The following MED12L variants were observed in gnomAD, a reference collection of about 807,000 sequenced individuals.
MED12L encodes the protein mediator of RNA polymerase II transcription subunit 12-like protein.
In MED12L, 60 loss-of-function variants were observed where a neutral mutation model predicts 281.3. That is an observed-to-expected ratio of 0.21 (90% CI 0.17 to 0.26). The LOEUF (loss-of-function observed/expected upper bound fraction) is 0.26. MED12L is among the 10% of genes least tolerant of loss of function. MED12L has a pLI of 1.00. For missense variants in MED12L, 2,146 were observed against 2,680.9 expected, an observed-to-expected ratio of 0.80 and a Z score of 4.41; for synonymous variants, 974 against 987.2, an observed-to-expected ratio of 0.99 and a Z score of 0.25.
intron 1 of MED12L, chr3:151,086,527 G>T (rs1719226640): frequency 1.3e-5 from 2 of 152,508 alleles, no homozygotes; most frequent in African/African-American, 4.9e-5. Context: ...CCCATCCTGC[G>T]CCCAGCTGGG....
In MED12L at chr3:151,191,762, C is replaced by G. The variant is rs548406437; in HGVS notation, c.1969-788C>G. ...TCTGTACCAAAAATACAAAATTAGC[C>G]GGGCGTGGTGGCACATGCCTGTAGT... On this transcript the variant is annotated intron_variant, in intron 14 of 44. Coordinates refer to ENST00000687756, the MANE Select transcript of MED12L (RefSeq NM_001393769.1). Among the ~76,000 whole-genome samples, 67 of 152,014 alleles carry G rather than the reference C, an allele frequency of 4.4e-4. 1 individual carries two copies. Among genetic ancestry groups the G allele is most frequent in the Non-Finnish European group, 1.0e-4 (7 of 68,002 alleles).
intron 16 of MED12L, chr3:151,213,304 A>G: frequency 6.3e-7 from 1 of 1,598,320 alleles, no homozygotes; most frequent in Non-Finnish European, 8.5e-7. Flanking sequence ...AGGAACTCAC[A>G]AAGTATCTGT....
chr3:151,186,364 T>C (rs530702146), intron 12 of MED12L, among the ~76,000 whole-genome samples: 68 of 152,260 alleles, frequency 4.5e-4, no homozygotes, highest in African/African-American at 1.6e-3. Flanking sequence ...CTTTTCGAAA[T>C]GTAAATAGAT....
rs565784126 is a variant in MED12L, at chr3:151,092,014, T to TG, written c.99+4994dup. 1.5e-4 allele frequency among the ~76,000 whole-genome samples: 23 copies of TG among 152,356 alleles called. 1 individual carries two copies. In the East Asian group the frequency reaches 4.2e-3, roughly 28 times the overall value. Reference sequence around the variant, plus strand: ...TAGCTGATCCCTTATTAAAGGATGCTGGGGGTCTCCTGTTGTACTTAACCA... The same window carrying TG: ...TAGCTGATCCCTTATTAAAGGATGCTGGGGGGTCTCCTGTTGTACTTAACCA... On this transcript the variant is annotated intron_variant, in intron 2 of 44. Coordinates refer to ENST00000687756, the MANE Select transcript of MED12L (RefSeq NM_001393769.1).
At chr3:151,237,080 G>A (rs890198102) in intron 16 of MED12L, among the ~76,000 whole-genome samples, 12 of 135,024 alleles carry the variant, frequency 8.9e-5, no homozygotes, top group Admixed American at 2.5e-4. Context: ...ACGGAATCTC[G>A]CTCTGTTGCC....
chr3:151,155,626 T>C (rs1193235331), intron 5 of MED12L, among the ~76,000 whole-genome samples: 2 of 152,242 alleles, frequency 1.3e-5, no homozygotes, highest in Non-Finnish European at 2.9e-5. Flanking sequence ...AATGAATGTC[T>C]GTCCTCTTAA....
chr3:151,192,543 T>C lies in MED12L; in HGVS notation c.1969-7T>C. ...CAATGTTACTTTCTTTCTCTGGCGA[T>C]TATCAGGAACAGAGTATTATGGCGC... On this transcript the variant is annotated splice_region_variant and splice_polypyrimidine_tract_variant and intron_variant, in intron 14 of 44. Coordinates refer to ENST00000687756, the MANE Select transcript of MED12L (RefSeq NM_001393769.1). 1 of 1,520,326 alleles carries C rather than the reference T, an allele frequency of 6.6e-7. No homozygotes were observed. The highest frequency in any genetic ancestry group is 8.8e-7 in the Non-Finnish European group (1 of 1,132,632). 94.2% of individuals were successfully genotyped at this position (1,520,326 alleles called of 1,614,324 possible). A position where few individuals can be genotyped will look rare whatever the true frequency, so the allele number is the denominator to read the frequency against.
chr3:151,397,435 T>C (rs1715122983), intron 39 of MED12L, among the ~76,000 whole-genome samples: 1 of 152,220 alleles, frequency 6.6e-6, no homozygotes, highest in Non-Finnish European at 1.5e-5. Context: ...GAGATTTGCA[T>C]GTAGCATCCG....
At chr3:151,299,904 G>A (rs1004446772) in intron 16 of MED12L, among the ~76,000 whole-genome samples, 1 of 152,138 alleles carries the variant, frequency 6.6e-6, no homozygotes, top group African/African-American at 2.4e-5. Flanking sequence ...CAGCGATACT[G>A]TCCTGCATGT....
intron 19 of MED12L, 109 bp downstream of exon 19, chr3:151,356,148 C>A: frequency 8.2e-7 from 1 of 1,221,118 alleles, no homozygotes. Flanking sequence ...GCTTGTAATC[C>A]TGGCACTTTG....
At position 151,160,003 on chromosome 3, in the gene MED12L, C is replaced by T. The variant is rs199955970; in HGVS notation, c.1009C>T (p.Pro337Ser). ...SSIGAPSPGP[P>S]GPGMSPVQLA... ...TATCGGGGCCCCCAGCCCTGGCCCC[C>T]CCGGCCCTGGCATGAGCCCCGTGCA... Residue 337 changes from proline to serine, a missense_variant, in exon 8 of 45, where the codon CCC becomes TCC. Pro to Ser is a moderately conservative substitution (Grantham distance 74). Coordinates refer to ENST00000687756, the MANE Select transcript of MED12L (RefSeq NM_001393769.1). 2 of 1,614,158 alleles carry T rather than the reference C, an allele frequency of 1.2e-6. No individual in the cohort carries two copies. The highest frequency in any genetic ancestry group is 2.2e-5 in the South Asian group (2 of 91,084).
At chr3:151,310,959 G>T (rs1747415849) in intron 16 of MED12L, among the ~76,000 whole-genome samples, 1 of 152,172 alleles carries the variant, frequency 6.6e-6, no homozygotes, top group Non-Finnish European at 1.5e-5. Context: ...GAGTTGTTTG[G>T]CTTTGCCACC....
intron 16 of MED12L, among the ~76,000 whole-genome samples, chr3:151,305,256 C>T (rs1325173556): frequency 2.6e-5 from 4 of 152,206 alleles, no homozygotes; most frequent in Non-Finnish European, 5.9e-5. Context: ...CCTACTGTTC[C>T]TTCAGCTGAG....
chr3:151,216,479 T>G lies in MED12L; in HGVS notation c.2250+22813T>G, dbSNP rs139623433. The stretch of plus-strand genomic sequence containing the variant: ...AAAATAGTACATCCATGTAAACTTG[T>G]GTGCTGCTTCCTACACAAGAATATC... On this transcript the variant is annotated intron_variant, in intron 16 of 44. Transcript: ENST00000687756. 1.5e-3 allele frequency among the ~76,000 whole-genome samples: 223 copies of G among 152,360 alleles called. 3 individuals are homozygous for G. The highest frequency in any genetic ancestry group is 0.013 in the Admixed American group (204 of 15,304).
At chr3:151,256,151 C>G (rs780418491) in intron 16 of MED12L, among the ~76,000 whole-genome samples, 9 of 152,012 alleles carry the variant, frequency 5.9e-5, no homozygotes, top group Non-Finnish European at 1.2e-4. Context: ...GGTCTTTGAC[C>G]CAGCCACTGT....
intron 16 of MED12L, chr3:151,198,829 T>C: frequency 6.2e-7 from 1 of 1,613,416 alleles, no homozygotes; most frequent in East Asian, 2.2e-5. Flanking sequence ...TTAAAAATAT[T>C]GCTACACATA....
At chr3:151,209,196 A>C (rs1726788897) in intron 16 of MED12L, among the ~76,000 whole-genome samples, 1 of 152,066 alleles carries the variant, frequency 6.6e-6, no homozygotes, top group African/African-American at 2.4e-5. Context: ...TCTTACTTAC[A>C]CCCAACTTCT....
chr3:151,187,942 GAATA>G (rs1191251448), intron 12 of MED12L, among the ~76,000 whole-genome samples: 1 of 152,192 alleles, frequency 6.6e-6, no homozygotes, highest in Non-Finnish European at 1.5e-5. Context: ...TAGGGATAAT[GAATA>G]GTTTGTTGTA....
At position 151,432,952 on chromosome 3, in the gene MED12L, A is replaced by T. The variant is rs575489975; in HGVS notation, c.*148A>T. 3.3e-6 allele frequency: 2 copies of T among 611,396 alleles called. No homozygotes were observed. The highest frequency in any genetic ancestry group is 3.7e-5 in the African/African-American group (2 of 53,592). 37.9% of individuals were successfully genotyped at this position (611,396 alleles called of 1,614,324 possible). A position where few individuals can be genotyped will look rare whatever the true frequency, so the allele number is the denominator to read the frequency against. On this transcript the variant is annotated 3_prime_UTR_variant, in exon 45 of 45. Coordinates refer to ENST00000687756, the MANE Select transcript of MED12L (RefSeq NM_001393769.1). ...TATGCTACATCTCACAAAAAAAAAA[A>T]AAGGTGTTTAAACAAAAAGCCAAGG... is the stretch of plus-strand genomic sequence containing the variant.
Sources: allele counts gnomAD v4.1 joint callset (sites outside exome capture counted in the v4.1 genomes callset), GRCh38; gene constraint gnomAD v4.1.1; transcripts MANE v1.5; gene names NCBI Gene and HGNC (gene_info 2026-07-23, HGNC 2026-07-21).